Variants in BCR observed in about 807,000 individuals in gnomAD.
The protein encoded by BCR is BCR activator of RhoGEF and GTPase.
A neutral mutation model predicts 138.6 loss-of-function variants in BCR; 58 were observed. The ratio of observed to expected loss-of-function variants is 0.42; its 90% CI spans 0.34 to 0.52. The LOEUF is 0.52. Ranked by LOEUF, BCR falls within the 20% of genes least tolerant of loss-of-function variation. The pLI, the probability that BCR is intolerant of heterozygous loss-of-function variation, is 0.06. For missense variants in BCR, 1,599 were observed against 1,727.2 expected (o/e 0.93, Z 1.32); for synonymous variants, 786 against 730.1 (o/e 1.08, Z -1.23).
At chr22:23,300,339 G>C (rs2073890306) in intron 16 of BCR, among the ~76,000 whole-genome samples, 1 of 152,176 alleles carries the variant, frequency 6.6e-6, no homozygotes, top group African/African-American at 2.4e-5. Context: ...ATTTCACTTA[G>C]CAGCATGTCC....
intron 16 of BCR, among the ~76,000 whole-genome samples, chr22:23,308,386 A>C (rs572632604): frequency 6.6e-6 from 1 of 151,830 alleles, no homozygotes; most frequent in Admixed American, 6.6e-5. Context: ...GCTCACTGCA[A>C]CCTCCACCTC....
chr22:23,194,499 C>T (rs2146203326), intron 1 of BCR, among the ~76,000 whole-genome samples: 1 of 152,124 alleles, frequency 6.6e-6, no homozygotes, highest in East Asian at 1.9e-4. Context: ...CAAACTCCGC[C>T]TCCCAGGTTC....
At chr22:23,261,085 G>T in intron 3 of BCR, 31 bp downstream of exon 3, 2 of 1,598,250 alleles carry the variant, frequency 1.3e-6, no homozygotes, top group Non-Finnish European at 1.7e-6. Context: ...TGAGCAGGGC[G>T]GGATGGGGCA....
rs534429570 is a variant in BCR, at chr22:23,215,285, A to G, written c.1279+33046A>G. On this transcript the variant is annotated intron_variant, in intron 1 of 22. Coordinates refer to ENST00000305877, the MANE Select transcript of BCR (RefSeq NM_004327.4). ...CCTTTTGTAAAGCATGCTGCTGTGAACACGGGTATACATGCTTTTACTCTT... is the reference window on the plus strand; with the variant it reads ...CCTTTTGTAAAGCATGCTGCTGTGAGCACGGGTATACATGCTTTTACTCTT... 3.3e-5 allele frequency among the ~76,000 whole-genome samples: 5 copies of G among 152,324 alleles called. No individual in the cohort carries two copies. In the East Asian group the frequency reaches 9.6e-4, roughly 29 times the overall value.
chr22:23,224,357 G>C, intron 1 of BCR, among the ~76,000 whole-genome samples: 1 of 152,202 alleles, frequency 6.6e-6, no homozygotes, highest in Non-Finnish European at 1.5e-5. Flanking sequence ...AGTGCCTTGA[G>C]GGGAGGCATT....
At chr22:23,231,864 G>A (rs537213784) in intron 1 of BCR, among the ~76,000 whole-genome samples, 41 of 152,300 alleles carry the variant, frequency 2.7e-4, no homozygotes, top group African/African-American at 7.7e-4. Context: ...GGGGTGGCAC[G>A]TCTCAGGCTT....
chr22:23,204,346 G>A (rs184517086), intron 1 of BCR, among the ~76,000 whole-genome samples: 76 of 152,264 alleles, frequency 5.0e-4, no homozygotes, highest in Admixed American at 4.4e-3. Context: ...ATTCCTGTCC[G>A]TAAATGATGA....
Position 23,263,452 on chromosome 22 carries a change from T to C in BCR, c.1752+1912T>C, listed in dbSNP as rs1215596598. On this transcript the variant is annotated intron_variant, in intron 4 of 22. Transcript: ENST00000305877. The stretch of plus-strand genomic sequence containing the variant: ...ATAGTGGGGTGCTGCCGAGAGGGGA[T>C]TCTGCTGAAGTGGAGATGCAGTCAG... 4 of 1,423,598 alleles carry C rather than the reference T, an allele frequency of 2.8e-6. No individual in the cohort carries two copies. In the East Asian group the frequency reaches 9.1e-5, roughly 32 times the overall value. The allele number at this position is 1,423,598 out of a possible 1,614,324, so 88.2% of individuals were successfully genotyped here. A position where few individuals can be genotyped will look rare whatever the true frequency, so the allele number is the denominator to read the frequency against.
At chr22:23,256,514 C>T (rs1445515295) in intron 2 of BCR, among the ~76,000 whole-genome samples, 5 of 152,152 alleles carry the variant, frequency 3.3e-5, no homozygotes, top group African/African-American at 9.7e-5. Context: ...TTGGGGTGTT[C>T]GCCGGCTGGG....
intron 4 of BCR, among the ~76,000 whole-genome samples, chr22:23,266,332 G>A (rs571053592): frequency 2.0e-5 from 3 of 151,726 alleles, no homozygotes; most frequent in African/African-American, 4.8e-5. Context: ...CAGGTGACCC[G>A]CCCGCCTCAG....
Position 23,208,061 on chromosome 22 carries a change from T to C in BCR, c.1279+25822T>C, listed in dbSNP as rs369882700. ...TCCTGGTCTCCTGTTGCCGAGCACCTGTCTAGACAGAATGATGTTTTGTGT... is the reference window on the plus strand; with the variant it reads ...TCCTGGTCTCCTGTTGCCGAGCACCCGTCTAGACAGAATGATGTTTTGTGT... On this transcript the variant is annotated intron_variant, in intron 1 of 22. Transcript: ENST00000305877. Among the ~76,000 whole-genome samples, 6 of 152,350 alleles carry C rather than the reference T, an allele frequency of 3.9e-5. No individual in the cohort carries two copies. The East Asian group carries it at 1.2e-3, about 29-fold the overall frequency.
chr22:23,223,300 TTGTA>T (rs558039469), intron 1 of BCR, among the ~76,000 whole-genome samples: 297 of 152,224 alleles, frequency 2.0e-3, no homozygotes, highest in Non-Finnish European at 2.1e-3. Context: ...GTGTGAGTAT[TTGTA>T]TGTGCACACT....
At chr22:23,297,212 TTG>T (rs1486940363) in intron 16 of BCR, among the ~76,000 whole-genome samples, 3 of 112,352 alleles carry the variant, frequency 2.7e-5, no homozygotes, top group African/African-American at 4.1e-5. Flanking sequence ...AAGTTGTTTT[TTG>T]TTTTTTGTTT....
rs188144568 is a variant in BCR, at chr22:23,282,593, G to A, written c.2116-1384G>A. Among the ~76,000 whole-genome samples, 644 of 152,324 alleles carry A rather than the reference G, an allele frequency of 4.2e-3. 1 individual carries two copies. Among genetic ancestry groups the A allele is most frequent in the Non-Finnish European group, 7.7e-3 (525 of 68,014 alleles). On this transcript the variant is annotated intron_variant, in intron 8 of 22. Coordinates refer to ENST00000305877, the MANE Select transcript of BCR (RefSeq NM_004327.4). ...AATGGGGGAAAAGTTCAGAGAGACCGAGGCTCCCCGAGAAGAACCTCAGGC... is the reference window on the plus strand; with the variant it reads ...AATGGGGGAAAAGTTCAGAGAGACCAAGGCTCCCCGAGAAGAACCTCAGGC...
chr22:23,276,059 C>A (rs1280102173), intron 8 of BCR, among the ~76,000 whole-genome samples: 1 of 152,156 alleles, frequency 6.6e-6, no homozygotes, highest in Admixed American at 6.5e-5. Flanking sequence ...TCCACGCTTA[C>A]CCATGGTCAT....
chr22:23,248,392 T>G (rs998993240), intron 1 of BCR, among the ~76,000 whole-genome samples: 1 of 151,506 alleles, frequency 6.6e-6, no homozygotes, highest in Non-Finnish European at 1.5e-5. Flanking sequence ...TAACTAGGAG[T>G]AGAATTGCTG....
Position 23,199,238 on chromosome 22 carries a change from A to G in BCR, c.1279+16999A>G, listed in dbSNP as rs116218341. 1,000 of 515,548 alleles carry G rather than the reference A, an allele frequency of 1.9e-3. 6 individuals carry two copies. Among genetic ancestry groups the G allele is most frequent in the African/African-American group, 0.018 (948 of 51,922 alleles). The allele number at this position is 515,548 out of a possible 1,614,324, so 31.9% of individuals were successfully genotyped here. A position where few individuals can be genotyped will look rare whatever the true frequency, so the allele number is the denominator to read the frequency against. Reference sequence around the variant, plus strand: ...GCCAGATGGTGTGAGTGGCTCCAGAAGACTCTTCTCTTCTCTGTGCAAGAG... The same window carrying G: ...GCCAGATGGTGTGAGTGGCTCCAGAGGACTCTTCTCTTCTCTGTGCAAGAG... On this transcript the variant is annotated intron_variant, in intron 1 of 22. Transcript: ENST00000305877.
intron 16 of BCR, among the ~76,000 whole-genome samples, chr22:23,304,170 G>T (rs1310233199): frequency 4.1e-5 from 6 of 146,030 alleles, no homozygotes; most frequent in African/African-American, 1.3e-4. Flanking sequence ...AAATTCCTAG[G>T]CTCAAGTGAT....
At chr22:23,242,806 A>T in intron 1 of BCR, 1 of 452,020 alleles carries the variant, frequency 2.2e-6, no homozygotes. Context: ...ACAAACATTT[A>T]TTCTCTCCCA....
Sources: allele counts gnomAD v4.1 joint callset (sites outside exome capture counted in the v4.1 genomes callset), GRCh38; gene constraint gnomAD v4.1.1; transcripts MANE v1.5; gene names NCBI Gene and HGNC (gene_info 2026-07-23, HGNC 2026-07-21).